RGS7: variants seen among roughly 807,000 people sequenced by gnomAD.
The protein encoded by RGS7 is regulator of G-protein signaling 7.
RGS7 carries 27 observed loss-of-function variants against 81.1 expected under a neutral mutation model. The ratio of observed to expected loss-of-function variants is 0.33; its 90% CI spans 0.25 to 0.46. The LOEUF is 0.46. Ranked by LOEUF, RGS7 falls within the 20% of genes least tolerant of loss-of-function variation. The probability of loss-of-function intolerance (pLI) is 1.00; values close to 1 mark genes in which losing one functional copy is unlikely to be tolerated. For synonymous variants in RGS7, 208 were observed against 207.7 expected (o/e 1.00, Z -0.01); for missense variants, 396 against 607.4 (o/e 0.65, Z 3.66).
At chr1:241,250,488 A>G (rs1255597295) in intron 2 of RGS7, among the ~76,000 whole-genome samples, 1 of 151,300 alleles carries the variant, frequency 6.6e-6, no homozygotes, top group Non-Finnish European at 1.5e-5. Flanking sequence ...TTGGACACTC[A>G]CCTTCTGCAA....
At chr1:241,311,716 C>T (rs1034429688) in intron 2 of RGS7, among the ~76,000 whole-genome samples, 3 of 152,172 alleles carry the variant, frequency 2.0e-5, no homozygotes, top group Non-Finnish European at 1.5e-5. Context: ...TCACGAAATT[C>T]ACATTGCATG....
At chr1:240,950,137 C>T (rs1047012639) in intron 4 of RGS7, among the ~76,000 whole-genome samples, 1 of 152,114 alleles carries the variant, frequency 6.6e-6, no homozygotes, top group Non-Finnish European at 1.5e-5. Flanking sequence ...TGACAAAGAA[C>T]TTGAGACTCA....
At chr1:240,915,096 T>C (rs1311783332) in intron 6 of RGS7, among the ~76,000 whole-genome samples, 6 of 152,168 alleles carry the variant, frequency 3.9e-5, no homozygotes, top group Non-Finnish European at 8.8e-5. Context: ...AGAAATTTCC[T>C]AATGCTTCCA....
intron 2 of RGS7, among the ~76,000 whole-genome samples, chr1:241,303,173 G>T (rs1388131044): frequency 6.8e-6 from 1 of 146,462 alleles, no homozygotes; most frequent in African/African-American, 2.4e-5. Context: ...GTAATCCCCA[G>T]TGTTGTAAAA....
chr1:240,812,347 T>C (rs1475622594), intron 13 of RGS7, among the ~76,000 whole-genome samples: 1 of 152,068 alleles, frequency 6.6e-6, no homozygotes, highest in Non-Finnish European at 1.5e-5. Flanking sequence ...ATGAGGACAG[T>C]GAGGCACAGT....
chr1:241,168,295 T>C (rs1031464884), intron 2 of RGS7, among the ~76,000 whole-genome samples: 1 of 152,218 alleles, frequency 6.6e-6, no homozygotes, highest in Non-Finnish European at 1.5e-5. Flanking sequence ...GGTAACATAG[T>C]ATTTTTTGAT....
intron 4 of RGS7, among the ~76,000 whole-genome samples, chr1:240,937,010 C>T (rs1449051269): frequency 6.6e-6 from 1 of 152,186 alleles, no homozygotes; most frequent in Non-Finnish European, 1.5e-5. Flanking sequence ...CCCACTGAAA[C>T]AGGTCTTCCA....
chr1:240,785,242 G>A (rs1287596287), intron 18 of RGS7, among the ~76,000 whole-genome samples: 1 of 152,136 alleles, frequency 6.6e-6, no homozygotes. Context: ...CCCACGAAGT[G>A]GTTCTTTGGC....
At chr1:241,133,142 G>A (rs948144166) in intron 2 of RGS7, among the ~76,000 whole-genome samples, 1 of 151,892 alleles carries the variant, frequency 6.6e-6, no homozygotes, top group Non-Finnish European at 1.5e-5. Flanking sequence ...GTAGTACATT[G>A]TAAAAATTAC....
At chr1:240,944,830 C>G (rs865846179) in intron 4 of RGS7, among the ~76,000 whole-genome samples, 2 of 152,232 alleles carry the variant, frequency 1.3e-5, no homozygotes, top group African/African-American at 4.8e-5. Flanking sequence ...TCTCCTGCCT[C>G]CGCCTCTCAA....
chr1:240,816,418 A>G lies in RGS7; in HGVS notation c.685-3T>C. 1 of 1,552,252 alleles carries G rather than the reference A, an allele frequency of 6.4e-7. No homozygotes were observed. The highest frequency in any genetic ancestry group is 1.4e-5 in the African/African-American group (1 of 73,794). On this transcript the variant is annotated splice_region_variant and splice_polypyrimidine_tract_variant and intron_variant, in intron 10 of 18. Transcript: ENST00000440928. ...TCATTTTGTAAACCATAGACAGACT[A>G]TATTAAAATAAAAAATAAACATTTT... is the stretch of plus-strand genomic sequence containing the variant.
At chr1:240,880,849 A>T (rs1346782509) in intron 6 of RGS7, among the ~76,000 whole-genome samples, 5 of 152,176 alleles carry the variant, frequency 3.3e-5, no homozygotes, top group African/African-American at 7.2e-5. Context: ...AGTGTGTGGT[A>T]CCATTCTAAT....
intron 2 of RGS7, among the ~76,000 whole-genome samples, chr1:241,204,722 A>C (rs1428006061): frequency 6.6e-6 from 1 of 151,642 alleles, no homozygotes; most frequent in Non-Finnish European, 1.5e-5. Flanking sequence ...AAAAAGAATG[A>C]GCCTATGAAA....
chr1:240,974,586 T>C (rs1683777392), intron 4 of RGS7, among the ~76,000 whole-genome samples: 1 of 151,966 alleles, frequency 6.6e-6, no homozygotes, highest in African/African-American at 2.4e-5. Context: ...CCAACATACA[T>C]AAAATAAAAA....
At chr1:240,960,734 T>C (rs1448074840) in intron 4 of RGS7, among the ~76,000 whole-genome samples, 1 of 152,120 alleles carries the variant, frequency 6.6e-6, no homozygotes, top group Admixed American at 6.5e-5. Flanking sequence ...CAATGTTGCA[T>C]TTCCTCACAG....
At chr1:241,349,312 T>C (rs1457091371) in intron 2 of RGS7, among the ~76,000 whole-genome samples, 1 of 152,200 alleles carries the variant, frequency 6.6e-6, no homozygotes, top group Admixed American at 6.5e-5. Flanking sequence ...AAGAAAACTT[T>C]TACTTGTCAA....
intron 3 of RGS7, among the ~76,000 whole-genome samples, chr1:240,990,951 TAG>T (rs1686367538): frequency 6.6e-6 from 1 of 152,234 alleles, no homozygotes; most frequent in South Asian, 2.1e-4. Context: ...TGTTGCTCTT[TAG>T]AGTTCTCTGC....
intron 3 of RGS7, among the ~76,000 whole-genome samples, chr1:241,028,575 G>A (rs745976013): frequency 3.6e-4 from 55 of 152,236 alleles, no homozygotes; most frequent in Middle Eastern, 6.8e-3. Context: ...GGAGAGCACG[G>A]GATGAAAGAA....
At chr1:241,194,128 C>A (rs377749636) in intron 2 of RGS7, among the ~76,000 whole-genome samples, 1 of 152,172 alleles carries the variant, frequency 6.6e-6, no homozygotes, top group Non-Finnish European at 1.5e-5. Context: ...TTCACCTACA[C>A]CAAACCTAAA....
Sources: allele counts gnomAD v4.1 joint callset (sites outside exome capture counted in the v4.1 genomes callset), GRCh38; gene constraint gnomAD v4.1.1; transcripts MANE v1.5; gene names NCBI Gene and HGNC (gene_info 2026-07-23, HGNC 2026-07-21).